The following KDM6A variants were observed in gnomAD, a reference collection of about 807,000 sequenced individuals.
The protein encoded by KDM6A is lysine demethylase 6A, also known as lysine-specific demethylase 6A.
KDM6A carries 11 observed loss-of-function variants against 117.6 expected under a neutral mutation model. That is an observed-to-expected ratio of 0.09 (90% CI 0.06 to 0.15). KDM6A has a LOEUF of 0.15. Ranked by LOEUF, KDM6A falls within the 10% of genes least tolerant of loss-of-function variation. KDM6A has a pLI of 1.00. For missense variants in KDM6A, 799 were observed against 1,077.3 expected (o/e 0.74, Z 3.62); for synonymous variants, 384 against 396.1 (o/e 0.97, Z 0.36).
chrX:44,978,065 A>G (rs1472700885), intron 4 of KDM6A, among the ~76,000 whole-genome samples: 1 of 112,331 alleles, frequency 8.9e-6, no homozygotes, highest in Non-Finnish European at 1.9e-5. Flanking sequence ...ATTTCTGTGT[A>G]GTCAGATTGA....
At chrX:44,922,028 C>CTTT (rs2035981734) in intron 2 of KDM6A, among the ~76,000 whole-genome samples, 1 of 41,645 alleles carries the variant, frequency 2.4e-5, no homozygotes, top group Non-Finnish European at 4.1e-5. Flanking sequence ...TTGTGTGTGC[C>CTTT]TTTTTTTTTT....
intron 2 of KDM6A, among the ~76,000 whole-genome samples, chrX:44,934,277 G>A (rs1395416812): frequency 8.9e-6 from 1 of 111,944 alleles, no homozygotes; most frequent in East Asian, 2.8e-4. Flanking sequence ...CTAGTGTCGA[G>A]CTCTGTTTCT....
intron 2 of KDM6A, among the ~76,000 whole-genome samples, chrX:44,901,287 A>G (rs950180166): frequency 9.0e-6 from 1 of 110,770 alleles, no homozygotes; most frequent in African/African-American, 3.3e-5. Context: ...AGGCTGAGGC[A>G]GGAGAATTGC....
At chrX:44,950,567 G>T (rs1327482624) in intron 2 of KDM6A, among the ~76,000 whole-genome samples, 2 of 104,198 alleles carry the variant, frequency 1.9e-5, no homozygotes, top group Non-Finnish European at 3.8e-5. Context: ...TTTATTTAAT[G>T]TATACCCTGG....
chrX:44,979,731 G>GT (rs1288238149), intron 4 of KDM6A, among the ~76,000 whole-genome samples: 2 of 110,502 alleles, frequency 1.8e-5, no homozygotes, highest in African/African-American at 6.6e-5. Context: ...TTTATGATGT[G>GT]AGATAGCATC....
chrX:45,102,344 C>T (rs2046365295), intron 27 of KDM6A, among the ~76,000 whole-genome samples: 1 of 111,890 alleles, frequency 8.9e-6, no homozygotes, highest in Non-Finnish European at 1.9e-5. Context: ...TTTTCTTTCA[C>T]ATACATTATA....
chrX:45,047,436 A>G (rs1243061607), intron 8 of KDM6A, among the ~76,000 whole-genome samples: 1 of 95,477 alleles, frequency 1.0e-5, no homozygotes, highest in African/African-American at 3.8e-5. Context: ...TTCAATCTGT[A>G]TGCTTTCTAG....
chrX:45,077,964 CTTTCTG>C (rs1302482389), intron 19 of KDM6A, among the ~76,000 whole-genome samples: 1 of 111,554 alleles, frequency 9.0e-6, no homozygotes, highest in Non-Finnish European at 1.9e-5. Flanking sequence ...TACCATTCTA[CTTTCTG>C]TTTCTATAAA....
intron 2 of KDM6A, among the ~76,000 whole-genome samples, 199 bp downstream of exon 2, chrX:44,874,186 T>A (rs1400978229): frequency 1.8e-5 from 2 of 111,505 alleles, no homozygotes; most frequent in Non-Finnish European, 3.8e-5. Context: ...CTTTTCCTCT[T>A]GTAGCTGGAG....
At chrX:45,102,639 A>G (rs1172650838) in intron 27 of KDM6A, among the ~76,000 whole-genome samples, 1 of 111,728 alleles carries the variant, frequency 9.0e-6, no homozygotes, top group Non-Finnish European at 1.9e-5. Flanking sequence ...GTGGTCTTCT[A>G]ATACTCTGTT....
chrX:44,984,294 G>A (rs1363812066), intron 4 of KDM6A, among the ~76,000 whole-genome samples: 10 of 111,559 alleles, frequency 9.0e-5, no homozygotes, highest in Non-Finnish European at 1.7e-4. Context: ...TGAGTTCATC[G>A]TAGATTCTGG....
chrX:45,101,582 G>A (rs747339134), intron 27 of KDM6A, among the ~76,000 whole-genome samples: 7 of 110,350 alleles, frequency 6.3e-5, no homozygotes, highest in South Asian at 3.9e-4. Flanking sequence ...TAAATATCCT[G>A]CAGGGCACAA....
chrX:45,048,475 G>T (rs2043684928), intron 8 of KDM6A, among the ~76,000 whole-genome samples: 1 of 111,210 alleles, frequency 9.0e-6, no homozygotes, highest in African/African-American at 3.3e-5. Flanking sequence ...TAATTCGGCA[G>T]TCAGAGCTTT....
At chrX:45,076,959 C>T (rs1223823791) in intron 19 of KDM6A, 133 bp downstream of exon 19, 14 of 528,936 alleles carry the variant, frequency 2.6e-5, no homozygotes, top group South Asian at 1.8e-4. Context: ...AGTTTGGGGG[C>T]GGGGGGGAAG....
In KDM6A at chrX:45,111,439, C is replaced by T. The variant is rs768322350; in HGVS notation, c.*28C>T. 9.6e-6 allele frequency: 11 copies of T among 1,141,984 alleles called. No homozygotes were observed. The East Asian group carries it at 3.3e-4, about 34-fold the overall frequency. The allele number at this position is 1,141,984 out of a possible 1,213,427, so 94.1% of individuals were successfully genotyped here. A position where few individuals can be genotyped will look rare whatever the true frequency, so the allele number is the denominator to read the frequency against. ...TTGTTCCATGGACATTAAATGAGAC[C>T]TTTTCTGCTATTCAGGAAATAACCC... On this transcript the variant is annotated 3_prime_UTR_variant, in exon 30 of 30. Transcript: ENST00000611820.
rs937508852 is a variant in KDM6A, at chrX:45,063,740, A to G, written c.2002A>G (p.Thr668Ala). ...NVPYLQRNALTLPHNRTNLTS... is the reference protein window; with the variant it reads ...NVPYLQRNALALPHNRTNLTS... ...GCCTTACCTGCAGCGAAACGCACTC[A>G]CTCTACCTCATAACCGCACAAACCT... is the stretch of plus-strand genomic sequence containing the variant. The change falls in exon 17 of 30, where the codon ACT (threonine) becomes GCT (alanine). Residue 668 changes from threonine to alanine, a missense_variant. This residue lies in a region of KDM6A where 301 missense variants were observed against 318.3 expected (regional missense o/e 0.95). Transcript: ENST00000611820. 8.3e-7 allele frequency: 1 copy of G among 1,205,281 alleles called. No homozygotes were observed. Among genetic ancestry groups the G allele is most frequent in the African/African-American group, 1.8e-5 (1 of 56,911 alleles).
At chrX:44,982,733 T>A (rs749414825) in intron 4 of KDM6A, among the ~76,000 whole-genome samples, 8 of 111,852 alleles carry the variant, frequency 7.2e-5, no homozygotes, top group Non-Finnish European at 1.3e-4. Flanking sequence ...CTGGCCGTAT[T>A]TTCCTAATTG....
chrX:44,956,382 T>TTTCCTC (rs746864920), intron 2 of KDM6A, among the ~76,000 whole-genome samples: 4 of 111,211 alleles, frequency 3.6e-5, no homozygotes, highest in South Asian at 3.8e-4. Flanking sequence ...TCCTTTTCTT[T>TTTCCTC]TTCCTCTTCC....
intron 4 of KDM6A, among the ~76,000 whole-genome samples, chrX:44,998,096 G>A (rs971017329): frequency 9.0e-6 from 1 of 111,533 alleles, no homozygotes; most frequent in African/African-American, 3.3e-5. Context: ...TTGAGTTTTC[G>A]AAAGCTCACT....
Sources: allele counts gnomAD v4.1 joint callset (sites outside exome capture counted in the v4.1 genomes callset), GRCh38; gene constraint gnomAD v4.1.1; regional missense constraint gnomAD v4.1.1; transcripts MANE v1.5; gene names NCBI Gene and HGNC (gene_info 2026-07-23, HGNC 2026-07-21).